The following ZMYND19 variants were observed in gnomAD, a reference collection of about 807,000 sequenced individuals.
ZMYND19 encodes zinc finger MYND-type containing 19.
A neutral mutation model predicts 32.0 loss-of-function variants in ZMYND19; 17 were observed. That is an observed-to-expected ratio of 0.53 (90% CI 0.36 to 0.80). The LOEUF is 0.80. Among genes scored for constraint, ZMYND19 ranks in the 30% least tolerant of loss-of-function variants. The pLI is 0.00. For synonymous variants in ZMYND19, 124 were observed against 113.6 expected, an observed-to-expected ratio of 1.09 and a Z score of -0.58; for missense variants, 250 against 293.6, an observed-to-expected ratio of 0.85 and a Z score of 1.09.
rs1009478614 is a variant in ZMYND19, at chr9:137,590,378, A to G, written c.-115T>C. On this transcript the variant is annotated 5_prime_UTR_variant, in exon 1 of 6. Coordinates refer to ENST00000298585, the MANE Select transcript of ZMYND19 (RefSeq NM_138462.3). The surrounding 1 kb of genome is among the most constrained non-coding windows in gnomAD (Gnocchi z 4.2). Reference sequence around the variant, plus strand: ...ACGGGACCGGAGCCGGGGTCGGGGTAGCAGCCAGGCGGGCTCCGGGCGGGA... The same window carrying G: ...ACGGGACCGGAGCCGGGGTCGGGGTGGCAGCCAGGCGGGCTCCGGGCGGGA... The G allele has an allele frequency of 6.3e-5, 42 of 664,446 alleles. No homozygotes were observed. The highest frequency in any genetic ancestry group is 1.9e-4 in the Admixed American group (3 of 15,480). The allele number at this position is 664,446 out of a possible 1,614,324, so 41.2% of individuals were successfully genotyped here.
chr9:137,588,521 C>G, intron 2 of ZMYND19, 138 bp downstream of exon 2: 1 of 935,076 alleles, frequency 1.1e-6, no homozygotes, highest in East Asian at 2.5e-5. Flanking sequence ...GCTGACGGCT[C>G]AGGGCTCACA....
Position 137,590,106 on chromosome 9 carries a change from C to G in ZMYND19, c.51+107G>C, listed in dbSNP as rs921470084. The stretch of plus-strand genomic sequence containing the variant: ...TCCCCCGCCCCGCTGGGGCCCATCC[C>G]GGGCTCCGCGCCCCCGCCCCGGCCG... On this transcript the variant is annotated intron_variant, in intron 1 of 5. Transcript: ENST00000298585. The surrounding 1 kb of genome is among the most constrained non-coding windows in gnomAD (Gnocchi z 4.2). 255 of 981,910 alleles carry G rather than the reference C, an allele frequency of 2.6e-4. 1 individual carries two copies. The highest frequency in any genetic ancestry group is 2.9e-4 in the Non-Finnish European group (243 of 828,336). The allele number at this position is 981,910 out of a possible 1,614,324, so 60.8% of individuals were successfully genotyped here. A position where few individuals can be genotyped will look rare whatever the true frequency, so the allele number is the denominator to read the frequency against.
At chr9:137,587,936 C>A in intron 2 of ZMYND19, 113 bp from the exon 3 acceptor site, 1 of 1,062,440 alleles carries the variant, frequency 9.4e-7, no homozygotes, top group Non-Finnish European at 1.4e-6. Flanking sequence ...CAAATGCCAG[C>A]CCTGTCCCTG....
rs1842164811 is a variant in ZMYND19 at position 137,583,017 on chromosome 9, C to T, written c.506G>A (p.Cys169Tyr). The change falls in exon 5 of 6, where the codon TGC becomes TAC. Residue 169 changes from cysteine (C) to tyrosine (Y), a missense_variant. This residue lies in a region of ZMYND19 where 212 missense variants were observed against 218.8 expected (regional missense o/e 0.97). Coordinates refer to ENST00000298585, the MANE Select transcript of ZMYND19 (RefSeq NM_138462.3). The part of the protein sequence containing the change: ...EEENSCTYYE[C>Y]HYPPCTVIEK... Reference sequence around the variant, plus strand: ...AATCACTGTGCAGGGAGGGTAGTGGCACTCATAGTAGGTGCAAGAGTTCTC... The same window carrying T: ...AATCACTGTGCAGGGAGGGTAGTGGTACTCATAGTAGGTGCAAGAGTTCTC... 1 of 1,614,088 alleles carries T rather than the reference C, an allele frequency of 6.2e-7. No homozygotes were observed.
At chr9:137,585,124 T>C (rs1262777693) in intron 4 of ZMYND19, among the ~76,000 whole-genome samples, 1 of 152,120 alleles carries the variant, frequency 6.6e-6, no homozygotes, top group East Asian at 1.9e-4. Flanking sequence ...TCCCAGCTAC[T>C]CAAGAGGCTG....
At chr9:137,589,368 T>G (rs1260765941) in intron 1 of ZMYND19, 2 of 985,308 alleles carry the variant, frequency 2.0e-6, no homozygotes, top group Non-Finnish European at 1.2e-6. Flanking sequence ...GTCTCCCTCT[T>G]GGCAGTTTTT....
Position 137,587,116 on chromosome 9 carries a change from A to G in ZMYND19, c.219-9T>C, listed in dbSNP as rs1377722370. On this transcript the variant is annotated splice_polypyrimidine_tract_variant and intron_variant, in intron 3 of 5. Coordinates refer to ENST00000298585, the MANE Select transcript of ZMYND19 (RefSeq NM_138462.3). ...CCCCCCGGTGCCGCTCCCTAGAAAC[A>G]GACAGCAAACCCTGCATCTAACCCT... The G allele has an allele frequency of 4.4e-6, 7 of 1,602,046 alleles. 1 individual carries two copies. In the Middle Eastern group the frequency reaches 8.3e-4, roughly 190 times the overall value.
chr9:137,587,871 G>T, intron 2 of ZMYND19, 48 bp from the exon 3 acceptor site: 2 of 1,554,584 alleles, frequency 1.3e-6, no homozygotes, highest in South Asian at 1.1e-5. Flanking sequence ...CCAATTCTCA[G>T]CAACACTTCA....
At position 137,590,345 on chromosome 9, in the gene ZMYND19, G is replaced by C. The variant is rs866384278; in HGVS notation, c.-82C>G. On this transcript the variant is annotated 5_prime_UTR_variant, in exon 1 of 6. Transcript: ENST00000298585. This position sits in a 1 kb window ranked among gnomAD's most constrained non-coding sequence, Gnocchi z 4.2. The stretch of plus-strand genomic sequence containing the variant: ...GGCCGGGGCGAGGCCGCGGCGCGCC[G>C]GGACAGGACGGGACCGGAGCCGGGG... 7.5e-5 allele frequency: 65 copies of C among 872,076 alleles called. No individual in the cohort carries two copies. In the African/African-American group the frequency reaches 1.1e-3, roughly 14 times the overall value. 54.0% of individuals were successfully genotyped at this position (872,076 alleles called of 1,614,324 possible). A position where few individuals can be genotyped will look rare whatever the true frequency, so the allele number is the denominator to read the frequency against.
Position 137,590,159 on chromosome 9 carries a change from C to T in ZMYND19, c.51+54G>A, listed in dbSNP as rs1842256499. On this transcript the variant is annotated intron_variant, in intron 1 of 5. Transcript: ENST00000298585. This position sits in a 1 kb window ranked among gnomAD's most constrained non-coding sequence, Gnocchi z 4.2. Reference sequence around the variant, plus strand: ...GCCCGCACAACCGCCCCCGGCCCCGCGCGGAGGCCTGGACGGGCGAGACGG... The same window carrying T: ...GCCCGCACAACCGCCCCCGGCCCCGTGCGGAGGCCTGGACGGGCGAGACGG... The T allele has an allele frequency of 1.0e-6, 1 of 952,970 alleles. No individual in the cohort carries two copies. Among genetic ancestry groups the T allele is most frequent in the Non-Finnish European group, 1.2e-6 (1 of 828,368 alleles). The allele number at this position is 952,970 out of a possible 1,614,324, so 59.0% of individuals were successfully genotyped here. A position where few individuals can be genotyped will look rare whatever the true frequency, so the allele number is the denominator to read the frequency against.
chr9:137,585,474 G>C (rs1842194340), intron 4 of ZMYND19, among the ~76,000 whole-genome samples: 1 of 148,560 alleles, frequency 6.7e-6, no homozygotes, highest in South Asian at 2.1e-4. Flanking sequence ...AGGAGTTCAA[G>C]AACAGCCTGG....
At chr9:137,588,361 T>A (rs1842230070) in intron 2 of ZMYND19, among the ~76,000 whole-genome samples, 1 of 152,194 alleles carries the variant, frequency 6.6e-6, no homozygotes. Flanking sequence ...CGTGACACAA[T>A]CACAAACATG....
At chr9:137,587,499 T>C in intron 3 of ZMYND19, 1 of 609,066 alleles carries the variant, frequency 1.6e-6, no homozygotes, top group Middle Eastern at 4.4e-4. Flanking sequence ...CTGCCGGTCC[T>C]GGGCAAGCTC....
Position 137,587,055 on chromosome 9 carries a change from C to A in ZMYND19, c.271G>T (p.Ala91Ser), listed in dbSNP as rs759735773. The A allele has an allele frequency of 6.2e-7, 1 of 1,610,696 alleles. No homozygotes were observed. The highest frequency in any genetic ancestry group is 1.3e-5 in the African/African-American group (1 of 74,948). Residue 91 changes from alanine to serine, a missense_variant, in exon 4 of 6, where the codon GCT becomes TCT. Coordinates refer to ENST00000298585, the MANE Select transcript of ZMYND19 (RefSeq NM_138462.3). The part of the protein sequence containing the change: ...APGFQVVHLN[A>S]VTVDNRLDNL... ...TCCAGGCGATTGTCCACGGTCACAG[C>A]GTTGAGGTGCACCACCTGGAAGCCC...
At chr9:137,582,816 G>C in intron 5 of ZMYND19, 130 bp from the exon 6 acceptor site, 5 of 1,507,386 alleles carry the variant, frequency 3.3e-6, no homozygotes, top group Admixed American at 2.0e-5. Context: ...CCTGGGCCCT[G>C]GTCAGGCCAG....
intron 4 of ZMYND19, among the ~76,000 whole-genome samples, chr9:137,584,420 G>A (rs546950187): frequency 1.2e-4 from 19 of 152,342 alleles, no homozygotes; most frequent in African/African-American, 4.1e-4. Context: ...TGTTCTTAAC[G>A]GCAGTTATCT....
Position 137,590,259 on chromosome 9 carries a change from G to C in ZMYND19, c.5C>G (p.Thr2Ser). ...CCGCACGATACCCAATTTGAAGTCG[G>C]TCATGGCCGGGCCTGCGCTCTCGGC... Reference protein sequence around the residue: MTDFKLGIVRLG... With the variant: MSDFKLGIVRLG... Residue 2 changes from threonine to serine, a missense_variant, in exon 1 of 6, where the codon ACC becomes AGC. By Grantham distance (58) the Thr-to-Ser change is moderately conservative. Coordinates refer to ENST00000298585, the MANE Select transcript of ZMYND19 (RefSeq NM_138462.3). The surrounding 1 kb of genome is among the most constrained non-coding windows in gnomAD (Gnocchi z 4.2). The C allele has an allele frequency of 1.7e-6, 2 of 1,145,522 alleles. No individual in the cohort carries two copies. The highest frequency in any genetic ancestry group is 2.2e-6 in the Non-Finnish European group (2 of 917,696). The allele number at this position is 1,145,522 out of a possible 1,614,324, so 71.0% of individuals were successfully genotyped here. A position where few individuals can be genotyped will look rare whatever the true frequency, so the allele number is the denominator to read the frequency against.
In ZMYND19 at chr9:137,590,233, G is replaced by A; in HGVS notation, c.31C>T (p.Leu11Phe). Residue 11 changes from leucine (L) to phenylalanine (F), a missense_variant, in exon 1 of 6, where the codon CTC becomes TTC. Physicochemically the swap from Leu to Phe is conservative, Grantham distance 22. Around this residue, in one of 2 missense-constraint regions of ZMYND19, gnomAD observed 212 missense variants for 218.8 expected, o/e 0.97. Coordinates refer to ENST00000298585, the MANE Select transcript of ZMYND19 (RefSeq NM_138462.3). The surrounding 1 kb of genome is among the most constrained non-coding windows in gnomAD (Gnocchi z 4.2). ...CTCACCTTCCCGGCCACCCGGCCGA[G>A]CCGCACGATACCCAATTTGAAGTCG... Reference protein sequence around the residue: MTDFKLGIVRLGRVAGKTKYT... With the variant: MTDFKLGIVRFGRVAGKTKYT... 8.7e-7 allele frequency: 1 copy of A among 1,151,022 alleles called. No individual in the cohort carries two copies. The highest frequency in any genetic ancestry group is 1.1e-6 in the Non-Finnish European group (1 of 919,920). The allele number at this position is 1,151,022 out of a possible 1,614,324, so 71.3% of individuals were successfully genotyped here.
intron 5 of ZMYND19, 92 bp from the exon 6 acceptor site, chr9:137,582,778 C>T (rs1842161938): frequency 1.9e-6 from 3 of 1,546,038 alleles, no homozygotes; most frequent in Non-Finnish European, 2.6e-6. Flanking sequence ...ACGGACCCAG[C>T]AAAACACCAC....
Sources: gnomAD v4.1 joint callset for allele counts (sites outside exome capture counted in the v4.1 genomes callset) on GRCh38, gnomAD v4.1.1 for gene constraint, gnomAD v4.1.1 regional missense constraint, Gnocchi (gnomAD v3.1) non-coding constraint, MANE v1.5 for transcripts, NCBI Gene and HGNC (gene_info 2026-07-23, HGNC 2026-07-21) for gene names.